TMEM131: variants seen among roughly 807,000 people sequenced by gnomAD.
TMEM131 encodes the protein 2610524E03Rik.
A neutral mutation model predicts 211.6 loss-of-function variants in TMEM131; 66 were observed. The ratio of observed to expected loss-of-function variants is 0.31; its 90% CI spans 0.26 to 0.38. TMEM131 has a LOEUF of 0.38. Among genes scored for constraint, TMEM131 ranks in the 10% least tolerant of loss-of-function variants. The probability of loss-of-function intolerance (pLI) is 1.00; values close to 1 mark genes in which losing one functional copy is unlikely to be tolerated. For missense variants in TMEM131, 2,036 were observed against 2,299.3 expected (o/e 0.89, Z 2.34); for synonymous variants, 844 against 841.3 (o/e 1.00, Z -0.06).
At chr2:97,781,876 G>GA (rs1192727256) in intron 31 of TMEM131, among the ~76,000 whole-genome samples, 10 of 152,216 alleles carry the variant, frequency 6.6e-5, no homozygotes, top group Non-Finnish European at 1.3e-4. Flanking sequence ...AAAGGTGCAG[G>GA]AAAGGGGCAG....
Position 97,811,123 on chromosome 2 carries a change from C to T in TMEM131, c.1968+5G>A, listed in dbSNP as rs2104960880. ...CACTGCCATGAATCCCCATAAAGTC[C>T]TTACCTCATAGTCTGTTGTGATCTG... On this transcript the variant is annotated splice_donor_5th_base_variant and intron_variant, in intron 18 of 40. Coordinates refer to ENST00000186436, the MANE Select transcript of TMEM131 (RefSeq NM_015348.2). The T allele has an allele frequency of 6.2e-7, 1 of 1,608,596 alleles. No homozygotes were observed. The highest frequency in any genetic ancestry group is 1.7e-5 in the Admixed American group (1 of 60,008).
chr2:97,899,845 T>C (rs1675774848), intron 3 of TMEM131, among the ~76,000 whole-genome samples: 1 of 152,144 alleles, frequency 6.6e-6, no homozygotes, highest in Admixed American at 6.6e-5. Context: ...ATGGCTACAT[T>C]GAGCTAATGC....
chr2:97,831,507 T>TAC (rs1292468971), intron 11 of TMEM131, among the ~76,000 whole-genome samples: 1 of 152,100 alleles, frequency 6.6e-6, no homozygotes, highest in Non-Finnish European at 1.5e-5. Flanking sequence ...TTATAAAAGA[T>TAC]ACACACATAG....
intron 1 of TMEM131, among the ~76,000 whole-genome samples, chr2:97,935,585 C>A (rs1339262742): frequency 6.6e-6 from 1 of 151,802 alleles, no homozygotes; most frequent in Non-Finnish European, 1.5e-5. Context: ...ATGCCATTAT[C>A]AATGTTAATT....
intron 2 of TMEM131, among the ~76,000 whole-genome samples, chr2:97,917,196 C>T (rs775194356): frequency 3.3e-5 from 5 of 152,334 alleles, no homozygotes; most frequent in Admixed American, 6.5e-5. Context: ...TTCTCACATA[C>T]TGTTACGGCA....
At chr2:97,953,102 A>G (rs959489897) in intron 1 of TMEM131, among the ~76,000 whole-genome samples, 24 of 152,222 alleles carry the variant, frequency 1.6e-4, no homozygotes, top group African/African-American at 5.8e-4. Context: ...AGGAAACAAG[A>G]GCAAAGGAAG....
Position 97,794,960 on chromosome 2 carries a change from G to A in TMEM131, c.3356C>T (p.Ala1119Val), listed in dbSNP as rs749474649. ...EALPRPNWEL[A>V]LYIIISGIMS... ...TATTCCTGAGATGATGATATACAGA[G>A]CCAGTTCCCAGTTAGGTCTGGGTAG... Residue 1119 changes from alanine (A) to valine (V), a missense_variant, in exon 29 of 41, where the codon GCT (alanine) becomes GTT (valine). By Grantham distance (64) the Ala-to-Val change is moderately conservative (BLOSUM62 0). This residue lies in a region of TMEM131 where 1,623 missense variants were observed against 1,805.9 expected (regional missense o/e 0.90). Coordinates refer to ENST00000186436, the MANE Select transcript of TMEM131 (RefSeq NM_015348.2). The A allele has an allele frequency of 6.2e-7, 1 of 1,602,940 alleles. No individual in the cohort carries two copies. Among genetic ancestry groups the A allele is most frequent in the Non-Finnish European group, 8.5e-7 (1 of 1,174,090 alleles).
chr2:97,919,655 C>T (rs1014325537), intron 2 of TMEM131, among the ~76,000 whole-genome samples: 1 of 152,180 alleles, frequency 6.6e-6, no homozygotes, highest in East Asian at 1.9e-4. Flanking sequence ...ACTGCAACCT[C>T]CGTCTCCCGG....
Position 97,974,602 on chromosome 2 carries a change from G to GA in TMEM131, c.187+20873dup, listed in dbSNP as rs969187927. On this transcript the variant is annotated intron_variant, in intron 1 of 40. Transcript: ENST00000186436. ...AAAAAAAATCTTAAAAGTATCAAGAGAAAAAAAAAGACATGTTATATACAG... is the reference window on the plus strand; with the variant it reads ...AAAAAAAATCTTAAAAGTATCAAGAGAAAAAAAAAAGACATGTTATATACAG... 1.5e-4 allele frequency among the ~76,000 whole-genome samples: 21 copies of GA among 142,480 alleles called. No homozygotes were observed. In the East Asian group the frequency reaches 2.4e-3, roughly 17 times the overall value. 93.5% of individuals were successfully genotyped at this position (142,480 alleles called of 152,430 possible). A position where few individuals can be genotyped will look rare whatever the true frequency, so the allele number is the denominator to read the frequency against.
At chr2:97,882,658 A>G (rs1472374480) in intron 4 of TMEM131, among the ~76,000 whole-genome samples, 2 of 152,160 alleles carry the variant, frequency 1.3e-5, no homozygotes, top group Admixed American at 6.5e-5. Flanking sequence ...GTGGGCTTTG[A>G]GCTTGCTTAA....
At position 97,777,410 on chromosome 2, in the gene TMEM131, C is replaced by T. The variant is rs373352048; in HGVS notation, c.4145-1392G>A. Among the ~76,000 whole-genome samples, 24 of 152,348 alleles carry T rather than the reference C, an allele frequency of 1.6e-4. No individual in the cohort carries two copies. The East Asian group carries it at 2.9e-3, about 18-fold the overall frequency. On this transcript the variant is annotated intron_variant, in intron 31 of 40. Transcript: ENST00000186436. ...TTAAAACGGGTTGGCAAACTATGGCCCATGGGCCAAATCTGGCCTGCAGTC... is the reference window on the plus strand; with the variant it reads ...TTAAAACGGGTTGGCAAACTATGGCTCATGGGCCAAATCTGGCCTGCAGTC...
At chr2:97,782,033 A>ATCAGGGAGGGC (rs1398418600) in intron 31 of TMEM131, among the ~76,000 whole-genome samples, 1 of 152,222 alleles carries the variant, frequency 6.6e-6, no homozygotes, top group African/African-American at 2.4e-5. Context: ...CGATGGTGCT[A>ATCAGGGAGGGC]TCAGGGAGGG....
At position 97,775,973 on chromosome 2, in the gene TMEM131, T is replaced by C; in HGVS notation, c.4190A>G (p.Gln1397Arg). 1 of 1,614,042 alleles carries C rather than the reference T, an allele frequency of 6.2e-7. No individual in the cohort carries two copies. The highest frequency in any genetic ancestry group is 1.3e-5 in the African/African-American group (1 of 75,056). Residue 1397 changes from glutamine (Q) to arginine (R), a missense_variant, in exon 32 of 41, where the codon CAA becomes CGA. Coordinates refer to ENST00000186436, the MANE Select transcript of TMEM131 (RefSeq NM_015348.2). ...LQRKVKPPKK[Q>R]EEKEKKGKGK... ...CTTTCCCTTCTTCTCCTTTTCCTCT[T>C]GCTTCTTAGGTGGTTTCACCTTGCG...
In TMEM131 at chr2:97,802,504, C is replaced by T; in HGVS notation, c.2575G>A (p.Val859Ile). 1 of 1,612,028 alleles carries T rather than the reference C, an allele frequency of 6.2e-7. No homozygotes were observed. Among genetic ancestry groups the T allele is most frequent in the Non-Finnish European group, 8.5e-7 (1 of 1,179,262 alleles). Residue 859 changes from valine (V) to isoleucine (I), a missense_variant, in exon 24 of 41, where the codon GTT becomes ATT. Transcript: ENST00000186436. ...EEITLENPAD[V>I]PVYVQFIPLA... ...GGAATAAACTGAACATAGACAGGAA[C>T]ATCTGCAGGATTTTCTAAAGTAATC...
At chr2:97,884,279 GA>G (rs1417725052) in intron 4 of TMEM131, among the ~76,000 whole-genome samples, 1 of 152,170 alleles carries the variant, frequency 6.6e-6, no homozygotes, top group African/African-American at 2.4e-5. Flanking sequence ...ATTGTGGTCA[GA>G]TAAGATAGTT....
At chr2:97,774,032 G>A (rs552861022) in intron 32 of TMEM131, among the ~76,000 whole-genome samples, 5 of 152,286 alleles carry the variant, frequency 3.3e-5, no homozygotes, top group Non-Finnish European at 7.3e-5. Flanking sequence ...CTACCCAAGA[G>A]CTTTAAAATT....
intron 1 of TMEM131, among the ~76,000 whole-genome samples, chr2:97,960,266 G>T (rs1279112130): frequency 6.6e-6 from 1 of 152,188 alleles, no homozygotes; most frequent in African/African-American, 2.4e-5. Context: ...AGTGGCAGTT[G>T]TAAAACGGTA....
At chr2:97,918,955 T>C (rs1209833484) in intron 2 of TMEM131, among the ~76,000 whole-genome samples, 1 of 152,216 alleles carries the variant, frequency 6.6e-6, no homozygotes, top group East Asian at 1.9e-4. Flanking sequence ...AGATGGCTCA[T>C]TCACGTGATG....
chr2:97,995,435 G>A lies in TMEM131; in HGVS notation c.187+41C>T. ...CCCTCCCGGCCTCCGCGAGAGCGGG[G>A]TGACAGCCCCGCCGCAGGGACGCCG... On this transcript the variant is annotated intron_variant, in intron 1 of 40. Transcript: ENST00000186436. The A allele has an allele frequency of 3.8e-6, 5 of 1,323,988 alleles. No homozygotes were observed. In the African/African-American group the frequency reaches 4.6e-5, roughly 12 times the overall value. The allele number at this position is 1,323,988 out of a possible 1,614,324, so 82.0% of individuals were successfully genotyped here.
Sources: allele counts gnomAD v4.1 joint callset (sites outside exome capture counted in the v4.1 genomes callset), GRCh38; gene constraint gnomAD v4.1.1; regional missense constraint gnomAD v4.1.1; transcripts MANE v1.5; gene names NCBI Gene and HGNC (gene_info 2026-07-23, HGNC 2026-07-21).